The following MICAL3 variants were observed in gnomAD, a reference collection of about 807,000 sequenced individuals.
The protein encoded by MICAL3 is [F-actin]-monooxygenase MICAL3.
A neutral mutation model predicts 207.4 loss-of-function variants in MICAL3; 62 were observed. The ratio of observed to expected loss-of-function variants is 0.30; its 90% confidence interval spans 0.24 to 0.37. MICAL3 has a LOEUF of 0.37. MICAL3 is among the 10% of genes least tolerant of loss of function. The pLI is 1.00. For missense variants in MICAL3, 2,368 were observed against 2,635.6 expected (o/e 0.90, Z 2.22); for synonymous variants, 1,077 against 1,069.3 (o/e 1.01, Z -0.14).
intron 1 of MICAL3, among the ~76,000 whole-genome samples, chr22:17,919,111 C>T (rs1932725821): frequency 6.9e-6 from 1 of 144,500 alleles, no homozygotes; most frequent in Non-Finnish European, 1.5e-5. Context: ...CACTCTGTCA[C>T]CCAGCCTGGA....
At chr22:17,866,070 G>T in intron 17 of MICAL3, 58 bp from the exon 18 acceptor site, 1 of 1,319,648 alleles carries the variant, frequency 7.6e-7, no homozygotes. Context: ...TCCTGAACGT[G>T]CCTCCCTGGT....
At chr22:17,850,844 C>T (rs1925246344) in intron 19 of MICAL3, among the ~76,000 whole-genome samples, 1 of 152,204 alleles carries the variant, frequency 6.6e-6, no homozygotes, top group African/African-American at 2.4e-5. Flanking sequence ...TTTTAAGCTA[C>T]AAGCCCGACT....
chr22:17,817,933 C>T lies in MICAL3; in HGVS notation c.4728G>A (p.Gln1576=). 6.2e-7 allele frequency: 1 copy of T among 1,612,496 alleles called. No homozygotes were observed. Among genetic ancestry groups the T allele is most frequent in the Non-Finnish European group, 8.5e-7 (1 of 1,179,784 alleles). The part of the protein sequence containing the change: ...GRLPALEGTL[Q]PQKRGLPLVS... ...CCAAGGGCAGCCCCCTCTTCTGTGGCTGCAGCGTCCCCTCCAGAGCAGGCA... is the reference window on the plus strand; with the variant it reads ...CCAAGGGCAGCCCCCTCTTCTGTGGTTGCAGCGTCCCCTCCAGAGCAGGCA... Residue 1576 remains glutamine, a synonymous_variant, in exon 26 of 32, where the codon CAG becomes CAA. Transcript: ENST00000441493.
intron 1 of MICAL3, among the ~76,000 whole-genome samples, chr22:17,928,125 G>A (rs536966855): frequency 2.6e-5 from 4 of 152,212 alleles, no homozygotes; most frequent in East Asian, 1.9e-4. Context: ...TACCTGATGC[G>A]AGGAATAGTA....
chr22:17,894,172 G>A (rs922341774), intron 10 of MICAL3, among the ~76,000 whole-genome samples: 7 of 152,098 alleles, frequency 4.6e-5, no homozygotes, highest in African/African-American at 1.7e-4. Flanking sequence ...TATAGTTGGG[G>A]AGGCCGAGGC....
At chr22:17,903,805 A>G (rs1270348351) in intron 3 of MICAL3, among the ~76,000 whole-genome samples, 1 of 152,232 alleles carries the variant, frequency 6.6e-6, no homozygotes, top group Non-Finnish European at 1.5e-5. Context: ...GCAAACAGCA[A>G]AAGGTTCCAT....
chr22:17,808,836 G>C lies in MICAL3; in HGVS notation c.5650+8C>G, dbSNP rs745840478. The C allele has an allele frequency of 3.2e-6, 5 of 1,551,268 alleles. No individual in the cohort carries two copies. Among genetic ancestry groups the C allele is most frequent in the Non-Finnish European group, 4.4e-6 (5 of 1,146,928 alleles). ...AGGAGCAGAGCTTAGGAGGGAGCCC[G>C]GCAGTACCTGCTTCGCCCCGGAGCG... is the stretch of plus-strand genomic sequence containing the variant. On this transcript the variant is annotated splice_region_variant and intron_variant, in intron 29 of 31. Transcript: ENST00000441493.
At chr22:18,001,353 A>G (rs1922992928) in intron 1 of MICAL3, 1 of 152,144 alleles carries the variant, frequency 6.6e-6, no homozygotes, top group Non-Finnish European at 1.5e-5. Flanking sequence ...CTCCCCGGGG[A>G]CGGTTGGCGC....
At chr22:17,979,817 TTTG>T (rs1367275893) in intron 1 of MICAL3, among the ~76,000 whole-genome samples, 3 of 151,806 alleles carry the variant, frequency 2.0e-5, no homozygotes, top group African/African-American at 7.3e-5. Flanking sequence ...CACAGGTTTT[TTTG>T]TTGTTGTTTT....
intron 22 of MICAL3, among the ~76,000 whole-genome samples, chr22:17,824,410 C>G (rs947107560): frequency 6.6e-6 from 1 of 152,216 alleles, no homozygotes; most frequent in African/African-American, 2.4e-5. Flanking sequence ...GGCGCAGCCT[C>G]GGAAGTAGCA....
intron 16 of MICAL3, among the ~76,000 whole-genome samples, chr22:17,880,815 T>G (rs1188800491): frequency 2.6e-5 from 4 of 152,158 alleles, no homozygotes; most frequent in Non-Finnish European, 5.9e-5. Context: ...GGAGAAGCCC[T>G]GCGGCAGTGC....
chr22:17,788,771 GAC>G lies in MICAL3; in HGVS notation c.*1959_*1960del, dbSNP rs1569063179. ...TGGCAGCTTCTGGACAGACAAGGAT[GAC>G]ACAGGTTCTTTGCTCCTTTGCAGCT... On this transcript the variant is annotated 3_prime_UTR_variant, in exon 32 of 32. Transcript: ENST00000441493. The G allele has an allele frequency of 6.6e-6, 1 of 152,448 alleles. No individual in the cohort carries two copies. Among genetic ancestry groups the G allele is most frequent in the Non-Finnish European group, 1.5e-5 (1 of 68,160 alleles). 9.4% of individuals were successfully genotyped at this position (152,448 alleles called of 1,614,324 possible). A position where few individuals can be genotyped will look rare whatever the true frequency, so the allele number is the denominator to read the frequency against.
chr22:17,981,060 G>A, intron 1 of MICAL3: 1 of 343,040 alleles, frequency 2.9e-6, no homozygotes, highest in Non-Finnish European at 6.5e-6. Flanking sequence ...TAACAGACTG[G>A]TCTCCAAAAA....
rs1237009094 is a variant in MICAL3 at position 17,875,404 on chromosome 22, G to A, written c.2242-3381C>T. ...CACTTGCGAAAGTGACGTGAGTGGA[G>A]GCTGCGGAGGGCAGAGTTTTAGTGA... is the stretch of plus-strand genomic sequence containing the variant. On this transcript the variant is annotated intron_variant, in intron 16 of 31. Transcript: ENST00000441493. 12 of 1,278,850 alleles carry A rather than the reference G, an allele frequency of 9.4e-6. No homozygotes were observed. In the Admixed American group the frequency reaches 3.7e-4, roughly 39 times the overall value. The allele number at this position is 1,278,850 out of a possible 1,614,324, so 79.2% of individuals were successfully genotyped here.
intron 29 of MICAL3, among the ~76,000 whole-genome samples, chr22:17,798,802 T>C (rs1421532577): frequency 6.6e-6 from 1 of 151,066 alleles, no homozygotes; most frequent in Non-Finnish European, 1.5e-5. Context: ...GCCTCCTGAG[T>C]AGCTGGGACT....
chr22:17,992,312 G>A (rs187394982), intron 1 of MICAL3, among the ~76,000 whole-genome samples: 72 of 152,222 alleles, frequency 4.7e-4, no homozygotes, highest in African/African-American at 1.7e-3. Context: ...ACAAACAGCA[G>A]ACACAGGGGG....
chr22:17,876,164 C>T (rs1027156867), intron 16 of MICAL3, among the ~76,000 whole-genome samples: 2 of 152,172 alleles, frequency 1.3e-5, no homozygotes, highest in African/African-American at 2.4e-5. Context: ...AAATCCTCTG[C>T]AGACTGCACA....
Position 17,822,124 on chromosome 22 carries a change from A to G in MICAL3, c.3354T>C (p.Arg1118=). 1 of 1,613,850 alleles carries G rather than the reference A, an allele frequency of 6.2e-7. No homozygotes were observed. Among genetic ancestry groups the G allele is most frequent in the Non-Finnish European group, 8.5e-7 (1 of 1,179,884 alleles). The stretch of plus-strand genomic sequence containing the variant: ...CTTCCCCCTCAGCTGGGCACGGCAA[A>G]CGCAGCTCTCTGTCAGCATCCGACG... ...DSPSDADREL[R]LPCPAEGEAE... Residue 1118 remains arginine, a synonymous_variant, in exon 24 of 32, where the codon CGT becomes CGC. Transcript: ENST00000441493.
chr22:17,925,766 G>A (rs1602230228), intron 1 of MICAL3, among the ~76,000 whole-genome samples: 2 of 152,178 alleles, frequency 1.3e-5, no homozygotes, highest in Admixed American at 6.6e-5. Flanking sequence ...CCACAGTGTC[G>A]GAAGGGTACT....
Sources: allele counts gnomAD v4.1 joint callset (sites outside exome capture counted in the v4.1 genomes callset), GRCh38; gene constraint gnomAD v4.1.1; transcripts MANE v1.5; gene names NCBI Gene and HGNC (gene_info 2026-07-23, HGNC 2026-07-21).